Variants in MAPT observed in about 807,000 individuals in gnomAD.
MAPT encodes microtubule-associated protein tau.
MAPT carries 34 observed loss-of-function variants against 67.9 expected under a neutral mutation model. That is an observed-to-expected ratio of 0.50 (90% CI 0.38 to 0.67). MAPT has a LOEUF of 0.67. MAPT is among the 30% of genes least tolerant of loss of function. MAPT has a pLI of 0.00. For synonymous variants in MAPT, 456 were observed against 464.5 expected (o/e 0.98, Z 0.23); for missense variants, 881 against 1,115.2 (o/e 0.79, Z 2.99).
At chr17:45,903,944 A>ATATTATATATTT (rs1568133162) in intron 1 of MAPT, among the ~76,000 whole-genome samples, 2 of 15,064 alleles carry the variant, frequency 1.3e-4, no homozygotes, top group African/African-American at 4.7e-4. Flanking sequence ...ATTTATATAT[A>ATATTATATATTT]ATATATATTA....
chr17:45,926,773 C>G (rs2066334913), intron 1 of MAPT, among the ~76,000 whole-genome samples: 1 of 152,064 alleles, frequency 6.6e-6, no homozygotes, highest in South Asian at 2.1e-4. Flanking sequence ...ATCTTGCTAA[C>G]TTATCATCAT....
At chr17:45,991,030 T>C (rs762723689) in intron 7 of MAPT, among the ~76,000 whole-genome samples, 7 of 152,200 alleles carry the variant, frequency 4.6e-5, no homozygotes, top group Non-Finnish European at 8.8e-5. Flanking sequence ...GGTTCAACAC[T>C]GCCCCCAGGG....
intron 9 of MAPT, among the ~76,000 whole-genome samples, chr17:46,005,958 G>A (rs371111535): frequency 5.3e-5 from 8 of 152,198 alleles, no homozygotes; most frequent in African/African-American, 1.2e-4. Flanking sequence ...AGAAAGTTGC[G>A]GAACCTCAGC....
At chr17:45,914,382 A>G (rs1347709785) in intron 1 of MAPT, among the ~76,000 whole-genome samples, 1 of 152,236 alleles carries the variant, frequency 6.6e-6, no homozygotes, top group Non-Finnish European at 1.5e-5. Flanking sequence ...ATCATCTGTT[A>G]TGTAGAAGTC....
chr17:45,958,457 T>C (rs1008443945), intron 1 of MAPT, among the ~76,000 whole-genome samples: 2 of 152,204 alleles, frequency 1.3e-5, no homozygotes, highest in Non-Finnish European at 2.9e-5. Context: ...CGGCGGCTCA[T>C]GCCTGTAATC....
At chr17:45,901,144 A>G (rs2063583784) in intron 1 of MAPT, among the ~76,000 whole-genome samples, 1 of 152,188 alleles carries the variant, frequency 6.6e-6, no homozygotes, top group Non-Finnish European at 1.5e-5. Context: ...AAATGTACAC[A>G]CAGAACTCTT....
chr17:45,927,433 C>T (rs1013459708), intron 1 of MAPT, among the ~76,000 whole-genome samples: 5 of 152,082 alleles, frequency 3.3e-5, no homozygotes, highest in Admixed American at 1.3e-4. Context: ...CAGCATGGTT[C>T]TATTCACGGC....
chr17:46,001,800 G>A (rs1407042713), intron 9 of MAPT, among the ~76,000 whole-genome samples: 1 of 152,228 alleles, frequency 6.6e-6, no homozygotes, highest in Non-Finnish European at 1.5e-5. Flanking sequence ...GGGGACAGGG[G>A]CAGGTGAGCA....
intron 9 of MAPT, among the ~76,000 whole-genome samples, chr17:46,009,879 G>A (rs996241285): frequency 2.0e-5 from 3 of 152,174 alleles, no homozygotes; most frequent in Admixed American, 1.3e-4. Flanking sequence ...GGAATGTGCC[G>A]GTGGGTCTAG....
At chr17:45,913,645 C>G (rs1031117978) in intron 1 of MAPT, among the ~76,000 whole-genome samples, 1 of 152,198 alleles carries the variant, frequency 6.6e-6, no homozygotes, top group African/African-American at 2.4e-5. Context: ...GATGCTGGCT[C>G]TGGATTCGCT....
At chr17:45,923,334 G>A (rs897305622) in intron 1 of MAPT, among the ~76,000 whole-genome samples, 3 of 152,180 alleles carry the variant, frequency 2.0e-5, no homozygotes, top group Non-Finnish European at 4.4e-5. Context: ...GCAGGGTCTG[G>A]ATAAAGTTTT....
At chr17:45,992,747 T>C (rs2074164299) in intron 8 of MAPT, among the ~76,000 whole-genome samples, 1 of 152,054 alleles carries the variant, frequency 6.6e-6, no homozygotes, top group South Asian at 2.1e-4. Context: ...AATAATTAGC[T>C]GGGCGTGGTG....
At chr17:45,901,568 T>C in intron 1 of MAPT, among the ~76,000 whole-genome samples, 1 of 152,238 alleles carries the variant, frequency 6.6e-6, no homozygotes, top group South Asian at 2.1e-4. Flanking sequence ...GTATAGTCAT[T>C]TATGAATTAA....
intron 1 of MAPT, among the ~76,000 whole-genome samples, chr17:45,947,535 C>T (rs2068630912): frequency 6.6e-6 from 1 of 151,862 alleles, no homozygotes; most frequent in Non-Finnish European, 1.5e-5. Context: ...TTACAGGTGC[C>T]CACCACCACA....
At chr17:45,940,359 G>T (rs11653258) in intron 1 of MAPT, among the ~76,000 whole-genome samples, 24,277 of 152,192 alleles carry the variant, frequency 0.16, 2,506 homozygotes, top group Non-Finnish European at 0.23. Context: ...GTGTGTCCTT[G>T]GGCAAGTTAC....
intron 6 of MAPT, among the ~76,000 whole-genome samples, chr17:45,989,599 C>T (rs1236051835): frequency 6.6e-6 from 1 of 152,030 alleles, no homozygotes; most frequent in African/African-American, 2.4e-5. Context: ...TGCAGTGAGC[C>T]GAGATTGCAC....
intron 1 of MAPT, among the ~76,000 whole-genome samples, chr17:45,935,954 C>T (rs1178265135): frequency 6.6e-6 from 1 of 152,236 alleles, no homozygotes; most frequent in Non-Finnish European, 1.5e-5. Flanking sequence ...AATCTGCTTT[C>T]TCTCTTCTTA....
chr17:45,972,101 C>T (rs573267953), intron 3 of MAPT, 156 bp downstream of exon 3: 6 of 712,236 alleles, frequency 8.4e-6, no homozygotes, highest in Admixed American at 2.0e-5. Flanking sequence ...CTGAGCCTTG[C>T]GTCGATGCCT....
intron 9 of MAPT, chr17:45,999,252 A>G (rs934568312): frequency 1.9e-6 from 3 of 1,604,852 alleles, no homozygotes; most frequent in Middle Eastern, 2.0e-4. Flanking sequence ...CACACTGAGC[A>G]TGTGTCTGCT....
Sources: allele counts gnomAD v4.1 joint callset (sites outside exome capture counted in the v4.1 genomes callset), GRCh38; gene constraint gnomAD v4.1.1; transcripts MANE v1.5; gene names NCBI Gene and HGNC (gene_info 2026-07-23, HGNC 2026-07-21).